GAS6: variants seen among roughly 807,000 people sequenced by gnomAD.
The protein encoded by GAS6 is growth arrest-specific protein 6.
In GAS6, 41 loss-of-function variants were observed where a neutral mutation model predicts 75.8. The observed-to-expected ratio is 0.54, with a 90% confidence interval of 0.42 to 0.70. The LOEUF (loss-of-function observed/expected upper bound fraction) is 0.70. Among genes scored for constraint, GAS6 ranks in the 30% least tolerant of loss-of-function variants. The pLI is 0.00. For missense variants in GAS6, 854 were observed against 940.2 expected (o/e 0.91, Z 1.20); for synonymous variants, 432 against 412.6 (o/e 1.05, Z -0.57).
Position 113,839,576 on chromosome 13 carries a change from G to A in GAS6, c.466+152C>T, listed in dbSNP as rs148757069. The A allele has an allele frequency of 1.6e-3, 1,483 of 952,316 alleles. 13 individuals are homozygous for A. In the African/African-American group the frequency reaches 0.022, roughly 14 times the overall value. The allele number at this position is 952,316 out of a possible 1,614,324, so 59.0% of individuals were successfully genotyped here. On this transcript the variant is annotated intron_variant, in intron 5 of 14. Coordinates refer to ENST00000327773, the MANE Select transcript of GAS6 (RefSeq NM_000820.4). ...GACTGCAGCTCCTCCCAATTCTCCT[G>A]GGGCTCCAGGATACCTCAGGGCTGC...
At chr13:113,851,569 G>GTGGGTGAA (rs2051876241) in intron 2 of GAS6, among the ~76,000 whole-genome samples, 1 of 151,414 alleles carries the variant, frequency 6.6e-6, no homozygotes, top group South Asian at 2.1e-4. Flanking sequence ...AGATGAGTGA[G>GTGGGTGAA]TGGGTGAATG....
intron 11 of GAS6, among the ~76,000 whole-genome samples, chr13:113,828,247 G>C (rs550881128): frequency 1.6e-4 from 25 of 151,846 alleles, no homozygotes; most frequent in African/African-American, 6.1e-4. Context: ...CTGGGCAACA[G>C]AGCAAGACTC....
In GAS6 at chr13:113,832,721, G is replaced by A. The variant is rs2051644857; in HGVS notation, c.866C>T (p.Ala289Val). 2 of 1,612,752 alleles carry A rather than the reference G, an allele frequency of 1.2e-6. No individual in the cohort carries two copies. Among genetic ancestry groups the A allele is most frequent in the Non-Finnish European group, 1.7e-6 (2 of 1,179,950 alleles). ...DILPCVPFSVAKSVKSLYLGR... is the reference protein window; with the variant it reads ...DILPCVPFSVVKSVKSLYLGR... ...CAGGTACAAGGACTTCACACTCTTG[G>A]CCACGCTGAAGGGCACGCACGGCAA... Residue 289 changes from alanine (A) to valine (V), a missense_variant, in exon 9 of 15, where the codon GCC (alanine) becomes GTC (valine). By Grantham distance (64) the Ala-to-Val change is moderately conservative. Coordinates refer to ENST00000327773, the MANE Select transcript of GAS6 (RefSeq NM_000820.4).
Position 113,839,823 on chromosome 13 carries a change from GGGTTGGGCGTGCACT to G in GAS6, c.356_370del (p.Gln119_Asn123del). 3.7e-6 allele frequency: 6 copies of G among 1,613,980 alleles called. No individual in the cohort carries two copies. Among genetic ancestry groups the G allele is most frequent in the Non-Finnish European group, 5.1e-6 (6 of 1,180,010 alleles). On this transcript the variant is annotated inframe_deletion, in exon 5 of 15. Transcript: ENST00000327773. ...GGCTTGGGTCCCCTTCCTATCGCAG[GGGTTGGGCGTGCACT>G]GGTCAGGCAGGTCTGATTGGGGACA...
Position 113,837,879 on chromosome 13 carries a change from T to C in GAS6, c.589+190A>G, listed in dbSNP as rs552162387. 3.9e-5 allele frequency among the ~76,000 whole-genome samples: 6 copies of C among 152,272 alleles called. No individual in the cohort carries two copies. The highest frequency in any genetic ancestry group is 6.5e-5 in the Admixed American group (1 of 15,312). On this transcript the variant is annotated intron_variant, in intron 6 of 14. Coordinates refer to ENST00000327773, the MANE Select transcript of GAS6 (RefSeq NM_000820.4). The surrounding 1 kb of genome is among the most constrained non-coding windows in gnomAD (Gnocchi z 5.1). The stretch of plus-strand genomic sequence containing the variant: ...TGGCCCTCAGATGCCGGGTGAGTCA[T>C]CCTGGTGTGGTGCCGAGCAGCTCCC...
chr13:113,852,887 C>A (rs76217716), intron 2 of GAS6, among the ~76,000 whole-genome samples: 14,493 of 152,254 alleles, frequency 0.095, 906 homozygotes, highest in East Asian at 0.17. Flanking sequence ...TGACAGGCTT[C>A]CTCACCCAGA....
In GAS6 at chr13:113,848,881, G is replaced by A. The variant is rs552583624; in HGVS notation, c.256-831C>T. Among the ~76,000 whole-genome samples the A allele has an allele frequency of 6.6e-6, 1 of 152,358 alleles. No homozygotes were observed. ...TCAGGAATGAGGAAACCCGGCTTCA[G>A]GATGGTTGTGGGATTCACCTGGGGG... is the stretch of plus-strand genomic sequence containing the variant. On this transcript the variant is annotated intron_variant, in intron 2 of 14. Coordinates refer to ENST00000327773, the MANE Select transcript of GAS6 (RefSeq NM_000820.4). The surrounding 1 kb of genome is among the most constrained non-coding windows in gnomAD (Gnocchi z 4.8).
chr13:113,857,838 C>T (rs2051926494), intron 2 of GAS6, among the ~76,000 whole-genome samples: 1 of 152,272 alleles, frequency 6.6e-6, no homozygotes, highest in South Asian at 2.1e-4. Flanking sequence ...TGGCACTCGG[C>T]TGCCTCTGAG....
intron 2 of GAS6, among the ~76,000 whole-genome samples, chr13:113,858,518 T>C (rs566950206): frequency 1.4e-5 from 2 of 143,398 alleles, no homozygotes; most frequent in African/African-American, 5.6e-5. Context: ...TATGTACATC[T>C]ATGTGAATGT....
chr13:113,821,128 G>A (rs1277867343), intron 14 of GAS6, 110 bp from the exon 15 acceptor site: 26 of 1,189,048 alleles, frequency 2.2e-5, no homozygotes, highest in Non-Finnish European at 3.0e-5. Context: ...CCTCCGAAAG[G>A]GCAGGGTTTC....
At chr13:113,858,687 CTGTG>C (rs140736589) in intron 2 of GAS6, among the ~76,000 whole-genome samples, 2,052 of 122,488 alleles carry the variant, frequency 0.017, 83 homozygotes, top group African/African-American at 0.068. Context: ...GTATGCATGT[CTGTG>C]TGTGTGACTG....
chr13:113,838,654 A>G (rs1354115649), intron 5 of GAS6, among the ~76,000 whole-genome samples: 6 of 84,450 alleles, frequency 7.1e-5, no homozygotes, highest in African/African-American at 3.2e-4. Flanking sequence ...CAGCAGGAGG[A>G]AGGGACCCCG....
intron 4 of GAS6, chr13:113,841,995 TTTCCTCCATATGCCTCAG>T: frequency 8.1e-6 from 1 of 123,206 alleles, no homozygotes; most frequent in Non-Finnish European, 1.8e-5. Context: ...CGCCCCACAG[TTTCCTCCATATGCCTCAG>T]TTTCCTCCAT....
chr13:113,835,708 G>T, intron 6 of GAS6, 73 bp from the exon 7 acceptor site: 1 of 1,567,894 alleles, frequency 6.4e-7, no homozygotes, highest in African/African-American at 1.4e-5. Context: ...GCGGCTGCAG[G>T]GACTGGCCAG....
At chr13:113,846,406 G>T in intron 4 of GAS6, 121 bp downstream of exon 4, 2 of 767,536 alleles carry the variant, frequency 2.6e-6, no homozygotes, top group South Asian at 2.0e-5. Flanking sequence ...AGCAGGCCTC[G>T]GCAAGGGACC....
Position 113,839,724 on chromosome 13 carries a change from G to C in GAS6, c.466+4C>G, listed in dbSNP as rs562008617. 1 of 1,613,630 alleles carries C rather than the reference G, an allele frequency of 6.2e-7. No homozygotes were observed. Among genetic ancestry groups the C allele is most frequent in the South Asian group, 1.1e-5 (1 of 91,068 alleles). On this transcript the variant is annotated splice_donor_region_variant and intron_variant, in intron 5 of 14. Transcript: ENST00000327773. ...ACCCCGCCTTTGTCTTCAGCCTCAC[G>C]TACCTTTGTCGCAGAGCCGGCCCCC...
intron 6 of GAS6, 185 bp from the exon 7 acceptor site, chr13:113,835,820 G>A: frequency 7.1e-7 from 1 of 1,405,424 alleles, no homozygotes; most frequent in Non-Finnish European, 9.2e-7. Flanking sequence ...GGGTGTTGGT[G>A]CACGCTTCTG....
chr13:113,851,834 T>C (rs1303286866), intron 2 of GAS6, among the ~76,000 whole-genome samples: 3 of 152,258 alleles, frequency 2.0e-5, no homozygotes, highest in Non-Finnish European at 4.4e-5. Flanking sequence ...ATGGAAGTGT[T>C]TGTGCTGTAA....
intron 12 of GAS6, among the ~76,000 whole-genome samples, chr13:113,824,865 G>T (rs7400722): frequency 6.6e-6 from 1 of 151,806 alleles, no homozygotes; most frequent in Non-Finnish European, 1.5e-5. Context: ...ACAACAAAAA[G>T]TCTCCTGTTT....
Sources: gnomAD v4.1 joint callset for allele counts (sites outside exome capture counted in the v4.1 genomes callset) on GRCh38, gnomAD v4.1.1 for gene constraint, Gnocchi (gnomAD v3.1) non-coding constraint, MANE v1.5 for transcripts, NCBI Gene and HGNC (gene_info 2026-07-23, HGNC 2026-07-21) for gene names.